Variants in NPRL3 observed in about 807,000 individuals in gnomAD.
NPRL3 encodes NPR3 like, GATOR1 complex subunit.
A neutral mutation model predicts 57.2 loss-of-function variants in NPRL3; 23 were observed. That is an observed-to-expected ratio of 0.40 (90% CI 0.29 to 0.57). NPRL3 has a LOEUF of 0.57. NPRL3 is among the 20% of genes least tolerant of loss of function. The pLI is 0.42. For missense variants in NPRL3, 691 were observed against 767.1 expected (o/e 0.90, Z 1.17); for synonymous variants, 333 against 321.1 (o/e 1.04, Z -0.39).
intron 9 of NPRL3, among the ~76,000 whole-genome samples, chr16:93,770 T>G (rs189441673): frequency 1.2e-4 from 18 of 152,332 alleles, no homozygotes; most frequent in African/African-American, 4.1e-4. Flanking sequence ...TTCACCATGT[T>G]GGCCAGGATG....
At chr16:118,535 C>T (rs13338136) in intron 4 of NPRL3, among the ~76,000 whole-genome samples, 2,499 of 152,268 alleles carry the variant, frequency 0.016, 64 homozygotes, top group African/African-American at 0.056. Context: ...TGGAAACAGA[C>T]ATCCTACATA....
At chr16:95,103 C>A (rs1898931546) in intron 9 of NPRL3, among the ~76,000 whole-genome samples, 1 of 151,876 alleles carries the variant, frequency 6.6e-6, no homozygotes, top group African/African-American at 2.4e-5. Flanking sequence ...CCTCTGCCTC[C>A]CTCTGATAAG....
At chr16:114,942 G>A (rs899423761) in intron 5 of NPRL3, among the ~76,000 whole-genome samples, 1 of 151,458 alleles carries the variant, frequency 6.6e-6, no homozygotes, top group East Asian at 1.9e-4. Flanking sequence ...TCTATTTCAG[G>A]GTTTAAAATT....
At chr16:127,718 A>G (rs564317331) in intron 3 of NPRL3, among the ~76,000 whole-genome samples, 5 of 148,774 alleles carry the variant, frequency 3.4e-5, no homozygotes, top group Admixed American at 2.7e-4. Context: ...GCAGTGGCAC[A>G]ATCTTGGCTC....
At chr16:102,414 T>C (rs941107716) in intron 7 of NPRL3, among the ~76,000 whole-genome samples, 7 of 152,222 alleles carry the variant, frequency 4.6e-5, no homozygotes, top group African/African-American at 1.7e-4. Flanking sequence ...CTACTCAAAG[T>C]GGCCGGCACC....
intron 4 of NPRL3, among the ~76,000 whole-genome samples, chr16:117,945 T>G (rs2141958586): frequency 6.6e-6 from 1 of 152,328 alleles, no homozygotes; most frequent in East Asian, 1.9e-4. Context: ...CAGGGGGAGT[T>G]GGGGCCCCAG....
chr16:109,265 C>T (rs1899676152), intron 7 of NPRL3, among the ~76,000 whole-genome samples: 1 of 152,186 alleles, frequency 6.6e-6, no homozygotes, highest in African/African-American at 2.4e-5. Flanking sequence ...CCACGCCCGG[C>T]CTGCTTGTCC....
Position 86,031 on chromosome 16 carries a change from A to G in NPRL3, c.*674T>C, listed in dbSNP as rs1048174745. ...GTCCTGCACAGTGGGCCATGCCTCC[A>G]CCAGCAAGATGTGCACAGGTGACAG... On this transcript the variant is annotated 3_prime_UTR_variant, in exon 14 of 14. Transcript: ENST00000611875. The G allele has an allele frequency of 1.0e-5, 4 of 382,144 alleles. No homozygotes were observed. Among genetic ancestry groups the G allele is most frequent in the African/African-American group, 8.3e-5 (4 of 48,282 alleles). 23.7% of individuals were successfully genotyped at this position (382,144 alleles called of 1,614,324 possible).
chr16:124,107 CAA>C (rs1316030787), intron 3 of NPRL3, among the ~76,000 whole-genome samples: 2 of 5,318 alleles, frequency 3.8e-4, no homozygotes, highest in Non-Finnish European at 6.5e-4. Flanking sequence ...CACACACTCC[CAA>C]CATGTGAGAA....
chr16:127,994 C>CTTT (rs112188139), intron 3 of NPRL3, among the ~76,000 whole-genome samples: 4 of 133,330 alleles, frequency 3.0e-5, no homozygotes, highest in Non-Finnish European at 3.2e-5. Context: ...CCATCTTCTT[C>CTTT]TTTTTTTTTT....
chr16:132,403 T>G (rs1900851459), intron 2 of NPRL3, among the ~76,000 whole-genome samples: 1 of 152,216 alleles, frequency 6.6e-6, no homozygotes, highest in African/African-American at 2.4e-5. Context: ...CTTTAGGCCC[T>G]ACTTCTAATT....
rs566496200 is a variant in NPRL3 at position 91,485 on chromosome 16, C to T, written c.1161+1111G>A. 1.5e-4 allele frequency among the ~76,000 whole-genome samples: 23 copies of T among 152,350 alleles called. No homozygotes were observed. In the South Asian group the frequency reaches 4.6e-3, roughly 30 times the overall value. The stretch of plus-strand genomic sequence containing the variant: ...GCCTGGAGCAACCACTCAGTCATGG[C>T]CTGGAAAAGCCACTCCGTTATCTAG... On this transcript the variant is annotated intron_variant, in intron 11 of 13. Transcript: ENST00000611875.
Position 86,355 on chromosome 16 carries a change from GACAGAAGGA to G in NPRL3, c.*341_*349del. On this transcript the variant is annotated 3_prime_UTR_variant, in exon 14 of 14. Transcript: ENST00000611875. ...GGGGGGTCCAAGGAGCAGGTGTAGG[GACAGAAGGA>G]GGGTCTGAGAAACGCACAGCCCACA... 25 of 262,776 alleles carry G rather than the reference GACAGAAGGA, an allele frequency of 9.5e-5. No homozygotes were observed. The highest frequency in any genetic ancestry group is 3.8e-4 in the South Asian group (5 of 13,116). The allele number at this position is 262,776 out of a possible 1,614,324, so 16.3% of individuals were successfully genotyped here. A position where few individuals can be genotyped will look rare whatever the true frequency, so the allele number is the denominator to read the frequency against.
At chr16:100,736 AAG>A (rs1385308358) in intron 7 of NPRL3, among the ~76,000 whole-genome samples, 7 of 147,822 alleles carry the variant, frequency 4.7e-5, no homozygotes, top group African/African-American at 1.8e-4. Context: ...TTGGGAGGCC[AAG>A]GTGGGCGGAT....
At chr16:86,927 CT>C in intron 13 of NPRL3, 57 bp from the exon 14 acceptor site, 1 of 1,534,526 alleles carries the variant, frequency 6.5e-7, no homozygotes, top group Non-Finnish European at 8.9e-7. Flanking sequence ...GAGGCCTCTG[CT>C]GAAGAGCCAC....
Position 86,627 on chromosome 16 carries a change from G to A in NPRL3, c.*78C>T. The A allele has an allele frequency of 7.0e-7, 1 of 1,425,036 alleles. No individual in the cohort carries two copies. Among genetic ancestry groups the A allele is most frequent in the Non-Finnish European group, 9.4e-7 (1 of 1,061,316 alleles). 88.3% of individuals were successfully genotyped at this position (1,425,036 alleles called of 1,614,324 possible). The stretch of plus-strand genomic sequence containing the variant: ...TCAGGGCCAAGAGGGCTCAGCCTCA[G>A]CACGGGGGGAGCCCTGGGGTGGGGA... On this transcript the variant is annotated 3_prime_UTR_variant, in exon 14 of 14. Transcript: ENST00000611875.
intron 2 of NPRL3, 90 bp from the exon 3 acceptor site, chr16:130,681 C>G: frequency 1.7e-6 from 2 of 1,208,582 alleles, no homozygotes; most frequent in Non-Finnish European, 2.4e-6. Flanking sequence ...GCCATGTTTT[C>G]CAAAACATGC....
At chr16:117,667 C>A (rs1266845084) in intron 4 of NPRL3, among the ~76,000 whole-genome samples, 1 of 152,174 alleles carries the variant, frequency 6.6e-6, no homozygotes, top group Admixed American at 6.5e-5. Flanking sequence ...AGGACCCAGA[C>A]CCACACCCCC....
chr16:111,132 G>A (rs1170045706), intron 6 of NPRL3, among the ~76,000 whole-genome samples: 4 of 152,114 alleles, frequency 2.6e-5, no homozygotes, highest in African/African-American at 7.2e-5. Flanking sequence ...GGGCGCGGTG[G>A]CTCACACCTG....
Sources: gnomAD v4.1 joint callset for allele counts (sites outside exome capture counted in the v4.1 genomes callset) on GRCh38, gnomAD v4.1.1 for gene constraint, MANE v1.5 for transcripts, NCBI Gene and HGNC (gene_info 2026-07-23, HGNC 2026-07-21) for gene names.